Variants in D2HGDH observed in about 807,000 individuals in gnomAD.
D2HGDH encodes D-2-hydroxyglutarate dehydrogenase, mitochondrial.
In D2HGDH, 31 loss-of-function variants were observed where a neutral mutation model predicts 46.9. The ratio of observed to expected loss-of-function variants is 0.66; its 90% confidence interval spans 0.50 to 0.89. The LOEUF is 0.89. Among genes scored for constraint, D2HGDH ranks in the 40% least tolerant of loss-of-function variants. D2HGDH has a pLI of 0.00. For missense variants in D2HGDH, 698 were observed against 720.8 expected, an observed-to-expected ratio of 0.97 and a Z score of 0.36; for synonymous variants, 364 against 332.6, an observed-to-expected ratio of 1.09 and a Z score of -1.03.
At chr2:241,740,940 C>CAAAA in intron 2 of D2HGDH, 93 bp from the exon 3 acceptor site, 1 of 864,464 alleles carries the variant, frequency 1.2e-6, no homozygotes, top group Non-Finnish European at 1.8e-6. Context: ...AGTCCGTCTC[C>CAAAA]AAAAAAAAAA....
At position 241,735,379 on chromosome 2, in the gene D2HGDH, A is replaced by T; in HGVS notation, c.155A>T (p.Tyr52Phe). 1 of 1,584,800 alleles carries T rather than the reference A, an allele frequency of 6.3e-7. No homozygotes were observed. Among genetic ancestry groups the T allele is most frequent in the Non-Finnish European group, 8.6e-7 (1 of 1,169,556 alleles). Residue 52 changes from tyrosine (Y) to phenylalanine (F), a missense_variant, in exon 2 of 10, where the codon TAC becomes TTC. Tyr to Phe is a conservative substitution (Grantham distance 22). Transcript: ENST00000321264. ...TPEVPLTRER[Y>F]PVRRLPFSTV... ...GAGGTGCCGCTGACCCGGGAGCGCT[A>T]CCCCGTGCGGCGCTTGCCGTTCTCC...
chr2:241,748,906 C>T (rs1372112854), intron 6 of D2HGDH: 15 of 1,298,374 alleles, frequency 1.2e-5, no homozygotes, highest in Non-Finnish European at 1.5e-5. Flanking sequence ...GAGCCCGAGG[C>T]CAGCCCGGCT....
intron 2 of D2HGDH, among the ~76,000 whole-genome samples, chr2:241,739,707 T>C (rs1693915868): frequency 6.6e-6 from 1 of 152,220 alleles, no homozygotes; most frequent in Admixed American, 6.5e-5. Flanking sequence ...CTCCCACTGG[T>C]CACATCCAGG....
At position 241,735,426 on chromosome 2, in the gene D2HGDH, G is replaced by T; in HGVS notation, c.202G>T (p.Ala68Ser). 6.2e-7 allele frequency: 1 copy of T among 1,607,900 alleles called. No homozygotes were observed. The highest frequency in any genetic ancestry group is 8.5e-7 in the Non-Finnish European group (1 of 1,178,992). Residue 68 changes from alanine to serine, a missense_variant, in exon 2 of 10, where the codon GCC becomes TCC. Physicochemically the swap from Ala to Ser is moderately conservative, Grantham distance 99. Transcript: ENST00000321264. Reference protein sequence around the residue: ...PFSTVSKQDLAAFERIVPGGV... With the variant: ...PFSTVSKQDLSAFERIVPGGV... ...CTCCACGGTGTCTAAGCAGGACCTG[G>T]CCGCCTTTGAGCGCATCGTGCCCGG...
rs1694700051 is a variant in D2HGDH, at chr2:241,742,337, A to G, written c.351-98A>G. On this transcript the variant is annotated intron_variant, in intron 3 of 9. Transcript: ENST00000321264. The surrounding 1 kb of genome is among the most constrained non-coding windows in gnomAD (Gnocchi z 4.8). ...AGGCTGCAGGCAGGGCAGGGTAATC[A>G]GGATTTGGAGTCAGGCACTGGTCCT... The G allele has an allele frequency of 2.1e-6, 3 of 1,463,152 alleles. No homozygotes were observed. Among genetic ancestry groups the G allele is most frequent in the East Asian group, 2.5e-5 (1 of 40,032 alleles). The allele number at this position is 1,463,152 out of a possible 1,614,324, so 90.6% of individuals were successfully genotyped here. A position where few individuals can be genotyped will look rare whatever the true frequency, so the allele number is the denominator to read the frequency against.
At chr2:241,767,468 G>C (rs2125179450) in intron 9 of D2HGDH, among the ~76,000 whole-genome samples, 1 of 117,458 alleles carries the variant, frequency 8.5e-6, no homozygotes, top group South Asian at 2.5e-4. Flanking sequence ...GGGGAGATGG[G>C]AGCCCCGGGC....
chr2:241,764,699 G>A (rs994979898), intron 9 of D2HGDH, among the ~76,000 whole-genome samples: 3 of 152,246 alleles, frequency 2.0e-5, no homozygotes, highest in Non-Finnish European at 2.9e-5. Context: ...TGGGAAAACA[G>A]CCCTCACCCC....
In D2HGDH at chr2:241,750,218, G is replaced by T. The variant is rs774061348; in HGVS notation, c.921G>T (p.Leu307=). Residue 307 remains leucine, a synonymous_variant, in exon 7 of 10, where the codon CTG becomes CTT. Coordinates refer to ENST00000321264, the MANE Select transcript of D2HGDH (RefSeq NM_152783.5). The stretch of plus-strand genomic sequence containing the variant: ...GCAAGGGGATGCTGGGTGAGATCCT[G>T]TCTGCATTCGAGTTCATGGATGCTG... ...STCKGMLGEI[L]SAFEFMDAVC... The T allele has an allele frequency of 3.1e-6, 5 of 1,613,978 alleles. No individual in the cohort carries two copies. Among genetic ancestry groups the T allele is most frequent in the Non-Finnish European group, 3.4e-6 (4 of 1,180,034 alleles).
chr2:241,737,919 T>G (rs1262488876), intron 2 of D2HGDH, among the ~76,000 whole-genome samples: 3 of 152,154 alleles, frequency 2.0e-5, no homozygotes, highest in Non-Finnish European at 4.4e-5. Context: ...GTTTTTATCT[T>G]TTTTTTGTTG....
chr2:241,751,204 G>T, intron 7 of D2HGDH, 42 bp from the exon 8 acceptor site: 1 of 1,613,544 alleles, frequency 6.2e-7, no homozygotes, highest in Non-Finnish European at 8.5e-7. Flanking sequence ...TGCCCTGGCA[G>T]CCGGAGCCTC....
At position 241,743,320 on chromosome 2, in the gene D2HGDH, C is replaced by T. The variant is rs1267868231; in HGVS notation, c.491-302C>T. Among the ~76,000 whole-genome samples the T allele has an allele frequency of 6.6e-6, 1 of 152,238 alleles. No homozygotes were observed. Among genetic ancestry groups the T allele is most frequent in the East Asian group, 1.9e-4 (1 of 5,202 alleles). ...CCCACATGCCCAGGGCAGGATCAGCCCCAGCTGAGAATCTTCCCTCTTCTA... is the reference window on the plus strand; with the variant it reads ...CCCACATGCCCAGGGCAGGATCAGCTCCAGCTGAGAATCTTCCCTCTTCTA... On this transcript the variant is annotated intron_variant, in intron 4 of 9. Coordinates refer to ENST00000321264, the MANE Select transcript of D2HGDH (RefSeq NM_152783.5). This position sits in a 1 kb window ranked among gnomAD's most constrained non-coding sequence, Gnocchi z 4.8.
intron 6 of D2HGDH, 67 bp downstream of exon 6, chr2:241,744,944 C>G: frequency 1.9e-6 from 3 of 1,598,864 alleles, no homozygotes; most frequent in Non-Finnish European, 1.7e-6. Context: ...GATGGTGCCA[C>G]TGTTGGTGTG....
chr2:241,747,341 A>G (rs923429911), intron 6 of D2HGDH, among the ~76,000 whole-genome samples: 4 of 151,954 alleles, frequency 2.6e-5, no homozygotes, highest in Non-Finnish European at 5.9e-5. Context: ...TTGAAGAATT[A>G]TTTGTAGGGG....
chr2:241,737,083 C>T (rs935891996), intron 2 of D2HGDH, among the ~76,000 whole-genome samples: 21 of 150,464 alleles, frequency 1.4e-4, no homozygotes, highest in African/African-American at 4.9e-4. Flanking sequence ...ATTCTCCTGC[C>T]TCCGCCTCCC....
At chr2:241,759,538 C>T (rs1018243782) in intron 9 of D2HGDH, among the ~76,000 whole-genome samples, 3 of 152,120 alleles carry the variant, frequency 2.0e-5, no homozygotes, top group Non-Finnish European at 4.4e-5. Flanking sequence ...CTTTTCCATC[C>T]TTAGTGATTT....
chr2:241,761,254 A>G (rs554027649), intron 9 of D2HGDH, among the ~76,000 whole-genome samples: 11 of 152,276 alleles, frequency 7.2e-5, no homozygotes, highest in Non-Finnish European at 1.3e-4. Flanking sequence ...AGTATACAGG[A>G]GGGGCCGGGC....
chr2:241,768,143 C>A lies in D2HGDH; in HGVS notation c.*174C>A. On this transcript the variant is annotated 3_prime_UTR_variant, in exon 10 of 10. Transcript: ENST00000321264. ...CCGGACGCAGGCCCTCGGGCAGGAG[C>A]ATCTGGCAGAGTGGGGGGCGTGGCA... 1.9e-6 allele frequency: 2 copies of A among 1,035,032 alleles called. No homozygotes were observed. The highest frequency in any genetic ancestry group is 2.7e-6 in the Non-Finnish European group (2 of 735,820). The allele number at this position is 1,035,032 out of a possible 1,614,324, so 64.1% of individuals were successfully genotyped here.
chr2:241,737,926 G>A (rs1693383620), intron 2 of D2HGDH, among the ~76,000 whole-genome samples: 1 of 151,954 alleles, frequency 6.6e-6, no homozygotes, highest in Non-Finnish European at 1.5e-5. Context: ...TCTTTTTTTT[G>A]TTGGCCCTTG....
chr2:241,756,845 C>T (rs1025074418), intron 9 of D2HGDH, among the ~76,000 whole-genome samples: 7 of 152,012 alleles, frequency 4.6e-5, no homozygotes, highest in African/African-American at 7.2e-5. Context: ...TTCTTTGGAG[C>T]CTTGGAGCGA....
Sources: gnomAD v4.1 joint callset for allele counts (sites outside exome capture counted in the v4.1 genomes callset) on GRCh38, gnomAD v4.1.1 for gene constraint, Gnocchi (gnomAD v3.1) non-coding constraint, MANE v1.5 for transcripts, NCBI Gene and HGNC (gene_info 2026-07-23, HGNC 2026-07-21) for gene names.